Variants in HDAC9 observed in about 807,000 individuals in gnomAD.
HDAC9 encodes histone deacetylase 9, also known as MEF-2 interacting transcription repressor (MITR) protein.
A neutral mutation model predicts 139.4 loss-of-function variants in HDAC9; 41 were observed. That is an observed-to-expected ratio of 0.29 (90% CI 0.23 to 0.38). The LOEUF (loss-of-function observed/expected upper bound fraction) is 0.38. HDAC9 is among the 10% of genes least tolerant of loss of function. The probability of loss-of-function intolerance (pLI) is 1.00; values close to 1 mark genes in which losing one functional copy is unlikely to be tolerated. For missense variants in HDAC9, 1,147 were observed against 1,297.0 expected, an observed-to-expected ratio of 0.88 and a Z score of 1.78; for synonymous variants, 517 against 476.2, an observed-to-expected ratio of 1.09 and a Z score of -1.12.
intron 19 of HDAC9, among the ~76,000 whole-genome samples, chr7:18,833,655 T>G (rs1796017635): frequency 6.6e-6 from 1 of 152,212 alleles, no homozygotes; most frequent in African/African-American, 2.4e-5. Flanking sequence ...TTGATATAAT[T>G]TGACTAAGTT....
intron 1 of HDAC9, among the ~76,000 whole-genome samples, chr7:18,323,265 C>G (rs551718969): frequency 3.9e-5 from 6 of 152,296 alleles, no homozygotes; most frequent in African/African-American, 1.2e-4. Context: ...AGACCCACGA[C>G]TATTTCTCAC....
At position 18,739,253 on chromosome 7, in the gene HDAC9, C is replaced by G. The variant is rs535356786; in HGVS notation, c.1910-9752C>G. 3.3e-5 allele frequency among the ~76,000 whole-genome samples: 5 copies of G among 152,304 alleles called. No individual in the cohort carries two copies. In the East Asian group the frequency reaches 9.6e-4, roughly 29 times the overall value. ...GTTTGTTATTACCAACCTTCTGAAG[C>G]CTACTTTTGTCAACTTGACAAATCA... is the stretch of plus-strand genomic sequence containing the variant. On this transcript the variant is annotated intron_variant, in intron 13 of 25. Coordinates refer to ENST00000686413, the MANE Select transcript of HDAC9 (RefSeq NM_178425.4).
At chr7:18,207,701 A>G (rs1031260906) in intron 2 of HDAC9, among the ~76,000 whole-genome samples, 2 of 151,816 alleles carry the variant, frequency 1.3e-5, no homozygotes, top group African/African-American at 2.4e-5. Flanking sequence ...TTTATTTATT[A>G]TTAGATTTAT....
intron 12 of HDAC9, among the ~76,000 whole-genome samples, chr7:18,709,520 AT>A (rs1408435316): frequency 2.0e-5 from 3 of 152,286 alleles, no homozygotes; most frequent in Admixed American, 1.3e-4. Flanking sequence ...TTTAACAAGT[AT>A]TTTTTTAAGA....
intron 2 of HDAC9, among the ~76,000 whole-genome samples, chr7:18,207,458 G>C (rs1025122722): frequency 2.5e-4 from 37 of 148,510 alleles, no homozygotes; most frequent in Middle Eastern, 3.3e-3. Flanking sequence ...CCAGGATGGA[G>C]TGTAGTGGTG....
intron 22 of HDAC9, 32 bp downstream of exon 22, chr7:18,874,628 C>A: frequency 7.9e-7 from 1 of 1,259,040 alleles, no homozygotes; most frequent in Non-Finnish European, 1.1e-6. Flanking sequence ...TTACGAAAGG[C>A]TCTGATATCA....
intron 2 of HDAC9, among the ~76,000 whole-genome samples, chr7:18,249,360 G>T (rs1309755592): frequency 1.3e-5 from 2 of 151,802 alleles, no homozygotes; most frequent in African/African-American, 2.4e-5. Flanking sequence ...AAAAATAGCT[G>T]GGTGTGGTGG....
chr7:18,212,693 C>T (rs1432309479), intron 2 of HDAC9, among the ~76,000 whole-genome samples: 1 of 152,114 alleles, frequency 6.6e-6, no homozygotes, highest in Non-Finnish European at 1.5e-5. Flanking sequence ...TGTGTTCCTC[C>T]CTTGAGATAC....
chr7:18,342,127 G>T (rs1782062027), intron 1 of HDAC9, among the ~76,000 whole-genome samples: 1 of 151,728 alleles, frequency 6.6e-6, no homozygotes, highest in South Asian at 2.1e-4. Flanking sequence ...GTACAGGTCA[G>T]TACCCTGCTG....
At chr7:18,586,434 T>C (rs1003010431) in intron 3 of HDAC9, among the ~76,000 whole-genome samples, 5 of 152,234 alleles carry the variant, frequency 3.3e-5, no homozygotes, top group Non-Finnish European at 5.9e-5. Flanking sequence ...AAACACTTGC[T>C]AATTTGTGAA....
intron 15 of HDAC9, 78 bp downstream of exon 15, chr7:18,762,355 TACTTG>T: frequency 6.5e-7 from 1 of 1,531,480 alleles, no homozygotes; most frequent in Non-Finnish European, 8.9e-7. Flanking sequence ...CAGTTCAAAA[TACTTG>T]GCAAGTAGTG....
intron 1 of HDAC9, among the ~76,000 whole-genome samples, chr7:18,392,941 A>C (rs1378324074): frequency 6.6e-6 from 1 of 150,674 alleles, no homozygotes; most frequent in Non-Finnish European, 1.5e-5. Flanking sequence ...AAAAAAAAAA[A>C]AAGGAAATAC....
intron 2 of HDAC9, among the ~76,000 whole-genome samples, chr7:18,212,180 T>C (rs1291288744): frequency 4.6e-5 from 7 of 152,180 alleles, no homozygotes; most frequent in African/African-American, 1.7e-4. Flanking sequence ...TGATGAATAA[T>C]ACAACTATGG....
intron 2 of HDAC9, among the ~76,000 whole-genome samples, chr7:18,547,716 G>A (rs1467355163): frequency 6.6e-6 from 1 of 151,326 alleles, no homozygotes; most frequent in Admixed American, 6.6e-5. Context: ...TGCTTTATCA[G>A]CTAAGTTTAT....
intron 6 of HDAC9, among the ~76,000 whole-genome samples, chr7:18,603,822 G>T (rs758372548): frequency 6.6e-6 from 1 of 151,974 alleles, no homozygotes; most frequent in African/African-American, 2.4e-5. Flanking sequence ...TGTATGGCAG[G>T]CCTACAGGCA....
At chr7:18,356,226 A>T (rs1431154131) in intron 1 of HDAC9, among the ~76,000 whole-genome samples, 2 of 152,164 alleles carry the variant, frequency 1.3e-5, no homozygotes, top group African/African-American at 4.8e-5. Context: ...TCTAATTTGA[A>T]GTATGACACT....
chr7:18,930,492 C>A (rs1376560917), intron 22 of HDAC9, among the ~76,000 whole-genome samples: 2 of 152,060 alleles, frequency 1.3e-5, no homozygotes, highest in Non-Finnish European at 2.9e-5. Context: ...CGTACACATG[C>A]CACTGAAACC....
chr7:18,477,879 T>G (rs1393475900), intron 1 of HDAC9, among the ~76,000 whole-genome samples: 1 of 152,148 alleles, frequency 6.6e-6, no homozygotes, highest in African/African-American at 2.4e-5. Flanking sequence ...TATATTTTAA[T>G]AACAATTCTA....
chr7:18,135,115 C>G (rs1458883476), intron 1 of HDAC9, among the ~76,000 whole-genome samples: 1 of 151,968 alleles, frequency 6.6e-6, no homozygotes, highest in Non-Finnish European at 1.5e-5. Flanking sequence ...CTATTTTCTC[C>G]TTAAGTTCTC....
Sources: allele counts gnomAD v4.1 joint callset (sites outside exome capture counted in the v4.1 genomes callset), GRCh38; gene constraint gnomAD v4.1.1; transcripts MANE v1.5; gene names NCBI Gene and HGNC (gene_info 2026-07-23, HGNC 2026-07-21).